The following CDYL2 variants were observed in gnomAD, a reference collection of about 807,000 sequenced individuals.
The protein encoded by CDYL2 is chromodomain Y like 2.
A neutral mutation model predicts 49.4 loss-of-function variants in CDYL2; 23 were observed. The ratio of observed to expected loss-of-function variants is 0.47; its 90% CI spans 0.34 to 0.66. The LOEUF (loss-of-function observed/expected upper bound fraction) is 0.66. Ranked by LOEUF, CDYL2 falls within the 30% of genes least tolerant of loss-of-function variation. CDYL2 has a pLI of 0.01. For missense variants in CDYL2, 678 were observed against 656.4 expected, an observed-to-expected ratio of 1.03 and a Z score of -0.36; for synonymous variants, 360 against 268.8, an observed-to-expected ratio of 1.34 and a Z score of -3.32.
intron 1 of CDYL2, among the ~76,000 whole-genome samples, chr16:80,768,557 A>T (rs1012133639): frequency 3.3e-5 from 5 of 152,220 alleles, no homozygotes; most frequent in Non-Finnish European, 7.3e-5. Context: ...ATGTCCTTGC[A>T]TGGCACAAGG....
chr16:80,612,701 C>T lies in CDYL2; in HGVS notation c.1143G>A (p.Thr381=), dbSNP rs199627102. The T allele has an allele frequency of 1.6e-4, 264 of 1,613,300 alleles. No individual in the cohort carries two copies. Among genetic ancestry groups the T allele is most frequent in the Admixed American group, 1.3e-3 (75 of 59,994 alleles). The part of the protein sequence containing the change: ...VWASEKAWFQ[T]PYATIRLTPA... ...GCGTGAGGCGGATGGTGGCGTAGGG[C>T]GTCTGGAACCAGGCCTTCTCACTGG... The change falls in exon 5 of 7, where the codon ACG becomes ACA. Residue 381 remains threonine, a synonymous_variant. Transcript: ENST00000570137. This position sits in a 1 kb window ranked among gnomAD's most constrained non-coding sequence, Gnocchi z 5.0.
intron 1 of CDYL2, among the ~76,000 whole-genome samples, chr16:80,700,199 T>C (rs939773407): frequency 6.6e-6 from 1 of 152,190 alleles, no homozygotes; most frequent in African/African-American, 2.4e-5. Flanking sequence ...GAAATCACAG[T>C]GCCTCTGCAA....
chr16:80,803,095 A>G (rs535856426), intron 1 of CDYL2, among the ~76,000 whole-genome samples: 13 of 152,298 alleles, frequency 8.5e-5, no homozygotes, highest in Non-Finnish European at 1.2e-4. Context: ...TTGGCGGCCA[A>G]CACCTCTGAG....
At chr16:80,670,290 G>A (rs375987032) in intron 2 of CDYL2, among the ~76,000 whole-genome samples, 1 of 52,626 alleles carries the variant, frequency 1.9e-5, no homozygotes, top group Non-Finnish European at 9.9e-5. Flanking sequence ...ACTGGATCAC[G>A]GGGGGCGGTT....
intron 2 of CDYL2, among the ~76,000 whole-genome samples, chr16:80,678,759 T>C (rs1909855761): frequency 6.6e-6 from 1 of 151,040 alleles, no homozygotes; most frequent in Non-Finnish European, 1.5e-5. Context: ...ATCCCATTAC[T>C]GGGTATATAC....
chr16:80,754,963 C>T (rs1313395870), intron 1 of CDYL2, among the ~76,000 whole-genome samples: 3 of 151,012 alleles, frequency 2.0e-5, no homozygotes, highest in African/African-American at 7.4e-5. Context: ...GATTTCACTT[C>T]TGGAACTTGG....
At chr16:80,660,109 A>C (rs561366094) in intron 2 of CDYL2, among the ~76,000 whole-genome samples, 22 of 152,234 alleles carry the variant, frequency 1.4e-4, no homozygotes, top group African/African-American at 5.3e-4. Context: ...CATTTAAAGG[A>C]CCACATAAAT....
In CDYL2 at chr16:80,607,981, T is replaced by C. The variant is rs1906417885; in HGVS notation, c.1362+111A>G. 7 of 1,298,724 alleles carry C rather than the reference T, an allele frequency of 5.4e-6. No homozygotes were observed. In the African/African-American group the frequency reaches 6.1e-5, roughly 11 times the overall value. 80.5% of individuals were successfully genotyped at this position (1,298,724 alleles called of 1,614,324 possible). On this transcript the variant is annotated intron_variant, in intron 6 of 6. Coordinates refer to ENST00000570137, the MANE Select transcript of CDYL2 (RefSeq NM_152342.4). ...GTTAAATTGCAAAGGGTCTTTTGCTTATTCCCTGTGCGACCTCTAGCAAGT... is the reference window on the plus strand; with the variant it reads ...GTTAAATTGCAAAGGGTCTTTTGCTCATTCCCTGTGCGACCTCTAGCAAGT...
intron 1 of CDYL2, among the ~76,000 whole-genome samples, chr16:80,731,973 G>C (rs1287789911): frequency 1.1e-4 from 17 of 151,204 alleles, no homozygotes. Context: ...GGGTGACAGA[G>C]ATGCACTAGG....
chr16:80,643,494 G>C (rs902059172), intron 2 of CDYL2, among the ~76,000 whole-genome samples: 2 of 152,236 alleles, frequency 1.3e-5, no homozygotes, highest in Admixed American at 1.3e-4. Context: ...TGTGGGGGCG[G>C]TGAGCCCATA....
At chr16:80,653,588 A>G (rs1336294131) in intron 2 of CDYL2, among the ~76,000 whole-genome samples, 1 of 152,176 alleles carries the variant, frequency 6.6e-6, no homozygotes, top group Non-Finnish European at 1.5e-5. Flanking sequence ...ATAGGTGTAC[A>G]TATTTAAGGG....
chr16:80,655,685 T>C (rs774060166), intron 2 of CDYL2, among the ~76,000 whole-genome samples: 18 of 152,126 alleles, frequency 1.2e-4, no homozygotes, highest in Non-Finnish European at 2.4e-4. Context: ...CCGATAAACT[T>C]AGAAAGATGC....
intron 1 of CDYL2, among the ~76,000 whole-genome samples, chr16:80,717,004 T>TGATGGATGGATG (rs60811461): frequency 0.021 from 3,063 of 147,418 alleles, 56 homozygotes; most frequent in African/African-American, 0.047. Context: ...ATGATTCAAT[T>TGATGGATGGATG]GATGGATGGA....
At chr16:80,647,659 T>C (rs571933902) in intron 2 of CDYL2, among the ~76,000 whole-genome samples, 1 of 152,272 alleles carries the variant, frequency 6.6e-6, no homozygotes, top group African/African-American at 2.4e-5. Flanking sequence ...CAAAGAAATA[T>C]TGGACTTCAT....
intron 2 of CDYL2, among the ~76,000 whole-genome samples, chr16:80,676,258 C>G (rs1410071550): frequency 2.0e-5 from 3 of 152,202 alleles, no homozygotes; most frequent in African/African-American, 7.2e-5. Context: ...AAAAAACCCT[C>G]AAGTTTTTGT....
At chr16:80,796,657 A>C (rs1567609038) in intron 1 of CDYL2, among the ~76,000 whole-genome samples, 2 of 152,212 alleles carry the variant, frequency 1.3e-5, no homozygotes, top group Non-Finnish European at 2.9e-5. Flanking sequence ...TTGTTATCCA[A>C]GTCATCCAAA....
At chr16:80,631,594 T>C (rs548989260) in intron 3 of CDYL2, among the ~76,000 whole-genome samples, 232 of 152,282 alleles carry the variant, frequency 1.5e-3, no homozygotes, top group Non-Finnish European at 2.2e-3. Flanking sequence ...TAGGGCACTA[T>C]CAAAAAAGTA....
intron 1 of CDYL2, among the ~76,000 whole-genome samples, chr16:80,764,323 G>A (rs1906638900): frequency 6.6e-6 from 1 of 152,130 alleles, no homozygotes; most frequent in Admixed American, 6.6e-5. Context: ...ACAACTGCAA[G>A]ACTGTTCTGA....
At chr16:80,786,522 T>C (rs1907441268) in intron 1 of CDYL2, among the ~76,000 whole-genome samples, 1 of 152,210 alleles carries the variant, frequency 6.6e-6, no homozygotes, top group Admixed American at 6.5e-5. Context: ...GATGGGAGTG[T>C]AAATCAGTCC....
Sources: gnomAD v4.1 joint callset for allele counts (sites outside exome capture counted in the v4.1 genomes callset) on GRCh38, gnomAD v4.1.1 for gene constraint, Gnocchi (gnomAD v3.1) non-coding constraint, MANE v1.5 for transcripts, NCBI Gene and HGNC (gene_info 2026-07-23, HGNC 2026-07-21) for gene names.